CDH4: variants seen among roughly 807,000 people sequenced by gnomAD.
The protein encoded by CDH4 is cadherin-4.
In CDH4, 33 loss-of-function variants were observed where a neutral mutation model predicts 86.0. The observed-to-expected ratio is 0.38, with a 90% CI of 0.29 to 0.51. The LOEUF (loss-of-function observed/expected upper bound fraction) is 0.51, where lower values mean the gene tolerates loss of function less well. Ranked by LOEUF, CDH4 falls within the 20% of genes least tolerant of loss-of-function variation. The pLI, the probability that CDH4 is intolerant of heterozygous loss-of-function variation, is 0.86. For missense variants in CDH4, 1,114 were observed against 1,307.4 expected (o/e 0.85, Z 2.28); for synonymous variants, 555 against 549.4 (o/e 1.01, Z -0.14).
chr20:61,898,575 T>C (rs1392212424), intron 8 of CDH4, among the ~76,000 whole-genome samples: 1 of 152,120 alleles, frequency 6.6e-6, no homozygotes, highest in African/African-American at 2.4e-5. Flanking sequence ...ATCACAGGCC[T>C]TCCTCCAGGC....
At chr20:61,583,767 CAT>C (rs1237360190) in intron 2 of CDH4, among the ~76,000 whole-genome samples, 2 of 152,258 alleles carry the variant, frequency 1.3e-5, no homozygotes, top group Non-Finnish European at 2.9e-5. Context: ...TGCCTGCCCA[CAT>C]GTGTCTGCAC....
chr20:61,751,273 G>T (rs2088491224), intron 3 of CDH4, among the ~76,000 whole-genome samples: 1 of 152,142 alleles, frequency 6.6e-6, no homozygotes, highest in Non-Finnish European at 1.5e-5. Context: ...GCCAGGTAAA[G>T]CCCCATAACC....
chr20:61,426,773 G>T (rs1034006371), intron 2 of CDH4, among the ~76,000 whole-genome samples: 1 of 152,242 alleles, frequency 6.6e-6, no homozygotes, highest in African/African-American at 2.4e-5. Context: ...AATCGAGGCA[G>T]AAGCATGGAT....
At chr20:61,839,647 G>A (rs185968455) in intron 4 of CDH4, among the ~76,000 whole-genome samples, 34 of 151,786 alleles carry the variant, frequency 2.2e-4, no homozygotes, top group African/African-American at 6.3e-4. Flanking sequence ...TGTTTGTGTC[G>A]TGTACATGTT....
At chr20:61,876,502 G>A (rs552722830) in intron 7 of CDH4, among the ~76,000 whole-genome samples, 12 of 152,336 alleles carry the variant, frequency 7.9e-5, no homozygotes, top group African/African-American at 2.9e-4. Flanking sequence ...TCACGGGATT[G>A]GGTGCCTGCA....
At chr20:61,834,133 G>T (rs1369214906) in intron 4 of CDH4, among the ~76,000 whole-genome samples, 1 of 152,224 alleles carries the variant, frequency 6.6e-6, no homozygotes, top group East Asian at 1.9e-4. Context: ...GTGGGCCGGG[G>T]TGATTTCCAA....
At chr20:61,385,726 G>A (rs919525249) in intron 2 of CDH4, among the ~76,000 whole-genome samples, 4 of 152,108 alleles carry the variant, frequency 2.6e-5, no homozygotes, top group South Asian at 2.1e-4. Flanking sequence ...GCTCAGGATC[G>A]TCACAGATGC....
intron 2 of CDH4, among the ~76,000 whole-genome samples, chr20:61,616,274 G>A (rs925413333): frequency 7.2e-5 from 11 of 152,204 alleles, no homozygotes; most frequent in Admixed American, 2.0e-4. Context: ...GCCTTCCCTC[G>A]GGGAATCAGC....
intron 2 of CDH4, among the ~76,000 whole-genome samples, chr20:61,380,423 A>G (rs370527551): frequency 1.8e-4 from 28 of 152,254 alleles, no homozygotes; most frequent in African/African-American, 6.3e-4. Context: ...CTGTGTATCC[A>G]TATCCGTGGA....
At chr20:61,599,551 C>G (rs993017679) in intron 2 of CDH4, among the ~76,000 whole-genome samples, 7 of 152,212 alleles carry the variant, frequency 4.6e-5, no homozygotes, top group African/African-American at 1.7e-4. Context: ...GAAGACAGAC[C>G]TAAGCCGGCC....
At chr20:61,299,543 C>T (rs910301770) in intron 2 of CDH4, among the ~76,000 whole-genome samples, 1 of 152,220 alleles carries the variant, frequency 6.6e-6, no homozygotes, top group Admixed American at 6.5e-5. Flanking sequence ...GGTAACCTGA[C>T]TTCTTAGTAA....
intron 4 of CDH4, among the ~76,000 whole-genome samples, chr20:61,785,838 C>T (rs2146006738): frequency 6.6e-6 from 1 of 152,334 alleles, no homozygotes. Context: ...CCAGCTCTAG[C>T]TGTGCTAGTG....
At chr20:61,601,601 G>A (rs1480668148) in intron 2 of CDH4, among the ~76,000 whole-genome samples, 2 of 152,188 alleles carry the variant, frequency 1.3e-5, no homozygotes, top group East Asian at 3.9e-4. Context: ...CTGCCCTCCT[G>A]TGTGTGTGCC....
At chr20:61,263,984 C>T (rs1195890910) in intron 2 of CDH4, among the ~76,000 whole-genome samples, 1 of 152,110 alleles carries the variant, frequency 6.6e-6, no homozygotes, top group African/African-American at 2.4e-5. Context: ...CCTGTGATTA[C>T]CTTGGGCCTC....
At chr20:61,262,964 T>TGAGAGA (rs11472416) in intron 2 of CDH4, among the ~76,000 whole-genome samples, 2,884 of 148,144 alleles carry the variant, frequency 0.019, 40 homozygotes, top group African/African-American at 0.042. Context: ...AATCATGAAC[T>TGAGAGA]GAGAGAGAGA....
In CDH4 at chr20:61,684,300, T is replaced by C. The variant is rs1334212327; in HGVS notation, c.170-59263T>C. ...TCAGAGGGTGGCAAAGGGGCGACCA[T>C]GCGACTGAGCCCTGTGGGAAGAGCA... is the stretch of plus-strand genomic sequence containing the variant. On this transcript the variant is annotated intron_variant, in intron 2 of 15. Coordinates refer to ENST00000614565, the MANE Select transcript of CDH4 (RefSeq NM_001794.5). This position sits in a 1 kb window ranked among gnomAD's most constrained non-coding sequence, Gnocchi z 4.5. 6.6e-6 allele frequency among the ~76,000 whole-genome samples: 1 copy of C among 152,122 alleles called. No homozygotes were observed. Among genetic ancestry groups the C allele is most frequent in the Non-Finnish European group, 1.5e-5 (1 of 68,020 alleles).
chr20:61,513,361 G>A (rs1384521052), intron 2 of CDH4, among the ~76,000 whole-genome samples: 1 of 152,206 alleles, frequency 6.6e-6, no homozygotes, highest in African/African-American at 2.4e-5. Context: ...CTTCTGGAAC[G>A]GACCCTCTGT....
At chr20:61,394,380 C>T (rs1486607739) in intron 2 of CDH4, among the ~76,000 whole-genome samples, 1 of 152,204 alleles carries the variant, frequency 6.6e-6, no homozygotes, top group Non-Finnish European at 1.5e-5. Flanking sequence ...GCAGCAGCAA[C>T]CCAGTCCTGA....
Position 61,910,419 on chromosome 20 carries a change from C to T in CDH4, c.1189-3C>T, listed in dbSNP as rs767517266. 6.2e-7 allele frequency: 1 copy of T among 1,610,958 alleles called. No individual in the cohort carries two copies. The highest frequency in any genetic ancestry group is 1.1e-5 in the South Asian group (1 of 91,040). On this transcript the variant is annotated splice_polypyrimidine_tract_variant and splice_region_variant and intron_variant, in intron 8 of 15. Coordinates refer to ENST00000614565, the MANE Select transcript of CDH4 (RefSeq NM_001794.5). The stretch of plus-strand genomic sequence containing the variant: ...TGTGACATTCTTTCCTTCCATTTTG[C>T]AGTTTGCAGGGGAGGTCCCCGAAAA...
Sources: allele counts gnomAD v4.1 joint callset (sites outside exome capture counted in the v4.1 genomes callset), GRCh38; gene constraint gnomAD v4.1.1; non-coding constraint Gnocchi (gnomAD v3.1); transcripts MANE v1.5; gene names NCBI Gene and HGNC (gene_info 2026-07-23, HGNC 2026-07-21).